The following CXCL10 variants were observed in gnomAD, a reference collection of about 807,000 sequenced individuals.
CXCL10 encodes the protein C-X-C motif chemokine 10.
A neutral mutation model predicts 10.8 loss-of-function variants in CXCL10; 6 were observed. That is an observed-to-expected ratio of 0.55 (90% confidence interval 0.30 to 1.09). The LOEUF (loss-of-function observed/expected upper bound fraction) is 1.09. Among genes scored for constraint, CXCL10 ranks in the 50% least tolerant of loss-of-function variants. The pLI is 0.06. For missense variants in CXCL10, 114 were observed against 114.3 expected, an observed-to-expected ratio of 1.00 and a Z score of 0.01; for synonymous variants, 35 against 35.8, an observed-to-expected ratio of 0.98 and a Z score of 0.08.
chr4:76,022,473 G>A lies in CXCL10; in HGVS notation c.189-18C>T. ...TTGTAGCACTGTAGAAATAAATAGGGATGAAAATATTTAAAACTGTGTTGG... is the reference window on the plus strand; with the variant it reads ...TTGTAGCACTGTAGAAATAAATAGGAATGAAAATATTTAAAACTGTGTTGG... On this transcript the variant is annotated intron_variant, in intron 2 of 3. Transcript: ENST00000306602. 1 of 1,602,342 alleles carries A rather than the reference G, an allele frequency of 6.2e-7. No individual in the cohort carries two copies. Among genetic ancestry groups the A allele is most frequent in the Non-Finnish European group, 8.5e-7 (1 of 1,171,998 alleles).
chr4:76,022,184 C>T (rs1435746583), intron 3 of CXCL10, among the ~76,000 whole-genome samples, 182 bp downstream of exon 3: 1 of 152,164 alleles, frequency 6.6e-6, no homozygotes, highest in Non-Finnish European at 1.5e-5. Context: ...ATCAGGGTAA[C>T]TTCTGATACT....
chr4:76,023,283 T>C (rs1277486510), intron 1 of CXCL10, 88 bp downstream of exon 1: 3 of 1,065,100 alleles, frequency 2.8e-6, no homozygotes, highest in Non-Finnish European at 2.9e-6. Flanking sequence ...AGTGAAACTT[T>C]TACAAATACA....
chr4:76,021,511 G>A lies in CXCL10; in HGVS notation c.*419C>T, dbSNP rs182871280. 2 of 164,642 alleles carry A rather than the reference G, an allele frequency of 1.2e-5. No individual in the cohort carries two copies. Among genetic ancestry groups the A allele is most frequent in the Non-Finnish European group, 2.6e-5 (2 of 76,328 alleles). 10.2% of individuals were successfully genotyped at this position (164,642 alleles called of 1,614,324 possible). A position where few individuals can be genotyped will look rare whatever the true frequency, so the allele number is the denominator to read the frequency against. On this transcript the variant is annotated 3_prime_UTR_variant, in exon 4 of 4. Transcript: ENST00000306602. ...GAGGATGGCAGTGGAAGTCCATGAAGTAAAGAGCATTCTTTAAAAAGCAGA... is the reference window on the plus strand; with the variant it reads ...GAGGATGGCAGTGGAAGTCCATGAAATAAAGAGCATTCTTTAAAAAGCAGA...
At chr4:76,022,162 G>A (rs1429195439) in intron 3 of CXCL10, among the ~76,000 whole-genome samples, 1 of 152,196 alleles carries the variant, frequency 6.6e-6, no homozygotes, top group African/African-American at 2.4e-5. Context: ...TGTACTTCAA[G>A]GTTGACTGGT....
chr4:76,022,882 C>T, intron 1 of CXCL10, 65 bp from the exon 2 acceptor site: 2 of 1,540,878 alleles, frequency 1.3e-6, no homozygotes, highest in African/African-American at 2.7e-5. Context: ...TTAATGTAGA[C>T]TGGTGGTATT....
intron 3 of CXCL10, 66 bp from the exon 4 acceptor site, chr4:76,022,014 T>C: frequency 7.1e-7 from 1 of 1,415,820 alleles, no homozygotes; most frequent in South Asian, 1.1e-5. Flanking sequence ...TGGGTTGTGT[T>C]TGGAAAGTAC....
At position 76,023,378 on chromosome 4, in the gene CXCL10, G is replaced by A. The variant is rs1452920082; in HGVS notation, c.54C>T (p.Gly18=). The change falls in exon 1 of 4, where the codon GGC becomes GGT. Residue 18 remains glycine (G), a synonymous_variant. Coordinates refer to ENST00000306602, the MANE Select transcript of CXCL10 (RefSeq NM_001565.4). ...TCCTTTGATGTTCCTTACCTTGAAT[G>A]CCACTTAGAGTCAGAAAGATAAGGC... The part of the protein sequence containing the change: ...ICCLIFLTLS[G]IQGVPLSRTV... The A allele has an allele frequency of 2.5e-6, 4 of 1,612,420 alleles. No individual in the cohort carries two copies. The highest frequency in any genetic ancestry group is 1.3e-5 in the African/African-American group (1 of 74,974).
In CXCL10 at chr4:76,022,910, C is replaced by G. The variant is rs1221442036; in HGVS notation, c.62-93G>C. 3.1e-6 allele frequency: 4 copies of G among 1,295,512 alleles called. No individual in the cohort carries two copies. In the Admixed American group the frequency reaches 6.5e-5, roughly 21 times the overall value. 80.3% of individuals were successfully genotyped at this position (1,295,512 alleles called of 1,614,324 possible). On this transcript the variant is annotated intron_variant, in intron 1 of 3. Transcript: ENST00000306602. ...GTGGTATTTAGCAGAACCTATATCC[C>G]CATATCAGCAAATAGTCACTTAATC...
chr4:76,022,589 T>C, intron 2 of CXCL10, 102 bp downstream of exon 2: 1 of 1,484,632 alleles, frequency 6.7e-7, no homozygotes, highest in South Asian at 1.2e-5. Context: ...AGTTTTAGAA[T>C]CATCACAAAC....
Position 76,021,784 on chromosome 4 carries a change from G to T in CXCL10, c.*146C>A. On this transcript the variant is annotated 3_prime_UTR_variant, in exon 4 of 4. Transcript: ENST00000306602. ...CAGGAGTAGTAGCAGCTGATTTGGT[G>T]ACCATCATTGGTCACCTTTTAGTGT... 2.6e-6 allele frequency: 2 copies of T among 770,924 alleles called. No individual in the cohort carries two copies. The highest frequency in any genetic ancestry group is 3.1e-5 in the South Asian group (2 of 63,504). The allele number at this position is 770,924 out of a possible 1,614,324, so 47.8% of individuals were successfully genotyped here.
intron 3 of CXCL10, among the ~76,000 whole-genome samples, 195 bp from the exon 4 acceptor site, chr4:76,022,143 A>C (rs4859587): frequency 0.61 from 92,985 of 152,016 alleles, 29,518 homozygotes; most frequent in East Asian, 0.94. Flanking sequence ...TTGCTTAGAT[A>C]GTTATAGCTG....
rs572732596 is a variant in CXCL10, at chr4:76,021,734, A to C, written c.*196T>G. On this transcript the variant is annotated 3_prime_UTR_variant, in exon 4 of 4. Transcript: ENST00000306602. Reference sequence around the variant, plus strand: ...GGGTAGAGTTATTACTGAATAGCTTAGGATGATGAACATTAACCTTCCTAC... The same window carrying C: ...GGGTAGAGTTATTACTGAATAGCTTCGGATGATGAACATTAACCTTCCTAC... 72 of 641,386 alleles carry C rather than the reference A, an allele frequency of 1.1e-4. No homozygotes were observed. The African/African-American group carries it at 1.2e-3, about 11-fold the overall frequency. 39.7% of individuals were successfully genotyped at this position (641,386 alleles called of 1,614,324 possible). A position where few individuals can be genotyped will look rare whatever the true frequency, so the allele number is the denominator to read the frequency against.
intron 1 of CXCL10, 101 bp downstream of exon 1, chr4:76,023,270 T>C: frequency 2.3e-6 from 2 of 869,894 alleles, no homozygotes; most frequent in East Asian, 2.6e-5. Context: ...TTTATAAGCA[T>C]GCAGTGAAAC....
chr4:76,021,689 G>A lies in CXCL10; in HGVS notation c.*241C>T, dbSNP rs886636633. On this transcript the variant is annotated 3_prime_UTR_variant, in exon 4 of 4. Transcript: ENST00000306602. ...CCACTAAGAACATAGCACCTCAGTAGAGCTTACATTATAGTGCCAGGGTAG... is the reference window on the plus strand; with the variant it reads ...CCACTAAGAACATAGCACCTCAGTAAAGCTTACATTATAGTGCCAGGGTAG... 9.4e-6 allele frequency: 5 copies of A among 530,664 alleles called. No homozygotes were observed. The highest frequency in any genetic ancestry group is 1.9e-5 in the African/African-American group (1 of 52,364). 32.9% of individuals were successfully genotyped at this position (530,664 alleles called of 1,614,324 possible).
chr4:76,023,404 A>G lies in CXCL10; in HGVS notation c.28T>C (p.Cys10Arg). 1 of 1,614,044 alleles carries G rather than the reference A, an allele frequency of 6.2e-7. No individual in the cohort carries two copies. The highest frequency in any genetic ancestry group is 8.5e-7 in the Non-Finnish European group (1 of 1,179,882). Residue 10 changes from cysteine to arginine, a missense_variant, in exon 1 of 4, where the codon TGC (cysteine) becomes CGC (arginine). Transcript: ENST00000306602. MNQTAILIC[C>R]LIFLTLSGIQ... is the part of the protein sequence containing the mutation. Reference sequence around the variant, plus strand: ...CCACTTAGAGTCAGAAAGATAAGGCAGCAAATCAGAATGGCAGTTTGATTC... The same window carrying G: ...CCACTTAGAGTCAGAAAGATAAGGCGGCAAATCAGAATGGCAGTTTGATTC...
chr4:76,021,794 G>T lies in CXCL10; in HGVS notation c.*136C>A. The T allele has an allele frequency of 1.2e-6, 1 of 831,158 alleles. No homozygotes were observed. Among genetic ancestry groups the T allele is most frequent in the Non-Finnish European group, 2.1e-6 (1 of 486,500 alleles). The allele number at this position is 831,158 out of a possible 1,614,324, so 51.5% of individuals were successfully genotyped here. On this transcript the variant is annotated 3_prime_UTR_variant, in exon 4 of 4. Coordinates refer to ENST00000306602, the MANE Select transcript of CXCL10 (RefSeq NM_001565.4). ...AGCAGCTGATTTGGTGACCATCATT[G>T]GTCACCTTTTAGTGTAACTGCAAAC...
chr4:76,022,070 C>A, intron 3 of CXCL10, 122 bp from the exon 4 acceptor site: 1 of 972,348 alleles, frequency 1.0e-6, no homozygotes, highest in Non-Finnish European at 1.7e-6. Context: ...GCTATGCATT[C>A]ATTATGGATT....
chr4:76,022,851 C>T, intron 1 of CXCL10, 34 bp from the exon 2 acceptor site: 1 of 1,588,412 alleles, frequency 6.3e-7, no homozygotes, highest in Non-Finnish European at 8.5e-7. Context: ...AGAAGGTTAG[C>T]ACAGTGTTCA....
In CXCL10 at chr4:76,021,819, C is replaced by T. The variant is rs891687993; in HGVS notation, c.*111G>A. The T allele has an allele frequency of 9.1e-7, 1 of 1,098,338 alleles. No individual in the cohort carries two copies. Among genetic ancestry groups the T allele is most frequent in the East Asian group, 2.4e-5 (1 of 42,266 alleles). 68.0% of individuals were successfully genotyped at this position (1,098,338 alleles called of 1,614,324 possible). A position where few individuals can be genotyped will look rare whatever the true frequency, so the allele number is the denominator to read the frequency against. ...GGTCACCTTTTAGTGTAACTGCAAA[C>T]TAAGAACAATTATGGCTTGACATAT... On this transcript the variant is annotated 3_prime_UTR_variant, in exon 4 of 4. Transcript: ENST00000306602.
Sources: gnomAD v4.1 joint callset for allele counts (sites outside exome capture counted in the v4.1 genomes callset) on GRCh38, gnomAD v4.1.1 for gene constraint, MANE v1.5 for transcripts, NCBI Gene and HGNC (gene_info 2026-07-23, HGNC 2026-07-21) for gene names.